FILIP1: variants seen among roughly 807,000 people sequenced by gnomAD.
FILIP1 encodes filamin A interacting protein 1.
Under a neutral mutation model 102.1 loss-of-function variants are expected in FILIP1, and 61 were observed. That is an observed-to-expected ratio of 0.60 (90% CI 0.49 to 0.74). The LOEUF (loss-of-function observed/expected upper bound fraction) is 0.74. FILIP1 is among the 30% of genes least tolerant of loss of function. The pLI, the probability that FILIP1 is intolerant of heterozygous loss-of-function variation, is 0.00. For synonymous variants in FILIP1, 491 were observed against 526.9 expected (o/e 0.93, Z 0.93); for missense variants, 1,314 against 1,441.2 (o/e 0.91, Z 1.43).
intron 3 of FILIP1, among the ~76,000 whole-genome samples, chr6:75,358,853 G>A (rs749112176): frequency 6.6e-6 from 1 of 151,670 alleles, no homozygotes; most frequent in Non-Finnish European, 1.5e-5. Context: ...CTCCCGAGTA[G>A]CTGGGACCAC....
At chr6:75,441,958 G>C (rs1446373996) in intron 1 of FILIP1, among the ~76,000 whole-genome samples, 4 of 151,760 alleles carry the variant, frequency 2.6e-5, no homozygotes, top group Admixed American at 1.3e-4. Flanking sequence ...CCTCCCGGAC[G>C]GGGTGGCTGC....
At position 75,405,457 on chromosome 6, in the gene FILIP1, A is replaced by C. The variant is rs185034908; in HGVS notation, c.276+9240T>G. On this transcript the variant is annotated intron_variant, in intron 2 of 5. Coordinates refer to ENST00000237172, the MANE Select transcript of FILIP1 (RefSeq NM_015687.5). ...AATTATTACCAAAAAAGAAAAAAGA[A>C]AAAAAAACATAAAGTTTTTCTAAAT... 2.6e-5 allele frequency among the ~76,000 whole-genome samples: 4 copies of C among 152,338 alleles called. No individual in the cohort carries two copies. The East Asian group carries it at 7.7e-4, about 29-fold the overall frequency.
intron 1 of FILIP1, among the ~76,000 whole-genome samples, chr6:75,430,377 T>C (rs1369099965): frequency 6.6e-6 from 1 of 152,196 alleles, no homozygotes; most frequent in Non-Finnish European, 1.5e-5. Context: ...ATAAAAAAGT[T>C]AATCACTTAT....
chr6:75,459,349 C>A (rs1321220825), intron 1 of FILIP1, among the ~76,000 whole-genome samples: 1 of 152,116 alleles, frequency 6.6e-6, no homozygotes, highest in Non-Finnish European at 1.5e-5. Flanking sequence ...GAATTGTTGG[C>A]AGGATTGGAC....
chr6:75,326,124 T>TAG (rs1554200337), intron 4 of FILIP1, among the ~76,000 whole-genome samples: 4 of 139,614 alleles, frequency 2.9e-5, no homozygotes, highest in African/African-American at 5.1e-5. Context: ...GATAGATAGA[T>TAG]ATACACACAC....
intron 4 of FILIP1, among the ~76,000 whole-genome samples, chr6:75,351,458 T>C (rs1774804825): frequency 6.6e-6 from 1 of 152,234 alleles, no homozygotes; most frequent in African/African-American, 2.4e-5. Context: ...TTGACATGGG[T>C]CTAGTGACTT....
At chr6:75,322,199 G>A (rs1773688390) in intron 4 of FILIP1, among the ~76,000 whole-genome samples, 1 of 151,944 alleles carries the variant, frequency 6.6e-6, no homozygotes, top group African/African-American at 2.4e-5. Flanking sequence ...TAATGCCTAT[G>A]GCATATTACA....
chr6:75,300,235 G>A (rs1252257883), intron 6 of FILIP1, among the ~76,000 whole-genome samples: 2 of 152,118 alleles, frequency 1.3e-5, no homozygotes, highest in African/African-American at 4.8e-5. Context: ...ATAACAAGAC[G>A]TTACATCAGC....
chr6:75,457,393 A>C (rs929599254), intron 1 of FILIP1, among the ~76,000 whole-genome samples: 1 of 152,218 alleles, frequency 6.6e-6, no homozygotes, highest in Admixed American at 6.5e-5. Flanking sequence ...AGGAGGAGTG[A>C]ACTACCTGTG....
intron 4 of FILIP1, among the ~76,000 whole-genome samples, chr6:75,343,179 G>A (rs1404473384): frequency 6.6e-6 from 1 of 152,108 alleles, no homozygotes; most frequent in African/African-American, 2.4e-5. Flanking sequence ...GAGCACACAG[G>A]GAGAAGCCAG....
chr6:75,314,801 T>A lies in FILIP1; in HGVS notation c.1031A>T (p.Glu344Val). The change falls in exon 5 of 6, where the codon GAG (glutamate) becomes GTG (valine). Residue 344 changes from glutamate (E) to valine (V), a missense_variant. Physicochemically the swap from Glu to Val is moderately radical, Grantham distance 121. Transcript: ENST00000237172. Reference protein sequence around the residue: ...KLVGLTQRIEELEETNKNLQK... With the variant: ...KLVGLTQRIEVLEETNKNLQK... The stretch of plus-strand genomic sequence containing the variant: ...CAGATTTTTGTTGGTCTCTTCTAGC[T>A]CCTCGATTCTTTGGGTTAAGCCAAC... 1.2e-6 allele frequency: 2 copies of A among 1,614,064 alleles called. No individual in the cohort carries two copies. The highest frequency in any genetic ancestry group is 8.5e-7 in the Non-Finnish European group (1 of 1,180,004).
chr6:75,424,131 A>G (rs975334225), intron 1 of FILIP1, among the ~76,000 whole-genome samples: 2 of 152,180 alleles, frequency 1.3e-5, no homozygotes, highest in Admixed American at 1.3e-4. Context: ...TATGGCCAGC[A>G]CCTGGGAAAG....
intron 2 of FILIP1, among the ~76,000 whole-genome samples, chr6:75,374,791 C>T (rs1775700676): frequency 6.6e-6 from 1 of 152,232 alleles, no homozygotes; most frequent in Non-Finnish European, 1.5e-5. Context: ...ATCCCCTCAA[C>T]AGAAACCAGC....
chr6:75,314,614 T>C lies in FILIP1; in HGVS notation c.1218A>G (p.Glu406=), dbSNP rs1353503838. The C allele has an allele frequency of 3.1e-6, 5 of 1,613,668 alleles. No homozygotes were observed. The highest frequency in any genetic ancestry group is 4.2e-6 in the Non-Finnish European group (5 of 1,179,906). Residue 406 remains glutamate, a synonymous_variant, in exon 5 of 6, where the codon GAA becomes GAG. Coordinates refer to ENST00000237172, the MANE Select transcript of FILIP1 (RefSeq NM_015687.5). ...EITKTESQCR[E]LRKKLQEEEH... ...CTTCCTCTTGCAGCTTCTTCCTCAATTCCCTACACTGGGATTCAGTTTTAG... is the reference window on the plus strand; with the variant it reads ...CTTCCTCTTGCAGCTTCTTCCTCAACTCCCTACACTGGGATTCAGTTTTAG...
chr6:75,358,914 G>C (rs934533182), intron 3 of FILIP1, among the ~76,000 whole-genome samples: 1 of 151,718 alleles, frequency 6.6e-6, no homozygotes, highest in Non-Finnish European at 1.5e-5. Flanking sequence ...AGTAGAGATG[G>C]AGTTTCACCA....
chr6:75,394,068 C>T (rs1239185781), intron 2 of FILIP1, among the ~76,000 whole-genome samples: 1 of 152,168 alleles, frequency 6.6e-6, no homozygotes, highest in Admixed American at 6.6e-5. Flanking sequence ...CCCTTTGTTT[C>T]CTCAGCCCTA....
At chr6:75,394,992 A>T (rs1358741264) in intron 2 of FILIP1, among the ~76,000 whole-genome samples, 2 of 152,134 alleles carry the variant, frequency 1.3e-5, no homozygotes, top group African/African-American at 4.8e-5. Context: ...AACTGGGTAC[A>T]ACTTAAATGT....
chr6:75,311,445 C>G (rs1408188230), intron 5 of FILIP1, among the ~76,000 whole-genome samples: 1 of 150,906 alleles, frequency 6.6e-6, no homozygotes, highest in Non-Finnish European at 1.5e-5. Context: ...TTTGCACATG[C>G]TTTTCAATAA....
At chr6:75,417,040 TA>T (rs1335450141) in intron 1 of FILIP1, among the ~76,000 whole-genome samples, 11 of 152,216 alleles carry the variant, frequency 7.2e-5, no homozygotes, top group African/African-American at 2.6e-4. Context: ...TATAGTATTA[TA>T]TTAATGGCTT....
Sources: gnomAD v4.1 joint callset for allele counts (sites outside exome capture counted in the v4.1 genomes callset) on GRCh38, gnomAD v4.1.1 for gene constraint, MANE v1.5 for transcripts, NCBI Gene and HGNC (gene_info 2026-07-23, HGNC 2026-07-21) for gene names.